The following TENM2 variants were observed in gnomAD, a reference collection of about 807,000 sequenced individuals.
The protein encoded by TENM2 is teneurin-2.
In TENM2, 52 loss-of-function variants were observed where a neutral mutation model predicts 245.2. The ratio of observed to expected loss-of-function variants is 0.21; its 90% CI spans 0.17 to 0.27. The LOEUF (loss-of-function observed/expected upper bound fraction) is 0.27. Ranked by LOEUF, TENM2 falls within the 10% of genes least tolerant of loss-of-function variation. The pLI is 1.00. For missense variants in TENM2, 3,046 were observed against 3,666.8 expected (o/e 0.83, Z 4.37); for synonymous variants, 1,363 against 1,438.9 (o/e 0.95, Z 1.19).
rs76155764 is a variant in TENM2 at position 167,635,633 on chromosome 5, C to CTTTTTTTTTTTTTTTTTTTT, written c.503-240343_503-240324dup. Among the ~76,000 whole-genome samples, 39 of 74,938 alleles carry CTTTTTTTTTTTTTTTTTTTT rather than the reference C, an allele frequency of 5.2e-4. 5 individuals carry two copies. Among genetic ancestry groups the CTTTTTTTTTTTTTTTTTTTT allele is most frequent in the East Asian group, 4.1e-3 (7 of 1,708 alleles). The allele number at this position is 74,938 out of a possible 152,430, so 49.2% of individuals were successfully genotyped here. ...GGAATCTGGCTATGATCAGTACAGTCTTTTTTTTTTTTTTTTTTTTTTTTT... is the reference window on the plus strand; with the variant it reads ...GGAATCTGGCTATGATCAGTACAGTCTTTTTTTTTTTTTTTTTTTTTTTTTTTTTTTTTTTTTTTTTTTTT... On this transcript the variant is annotated intron_variant, in intron 2 of 28. Coordinates refer to ENST00000518659, the Ensembl canonical transcript of TENM2.
At position 167,740,655 on chromosome 5, in the gene TENM2, A is replaced by G. The variant is rs148625028; in HGVS notation, c.503-135331A>G. Among the ~76,000 whole-genome samples the G allele has an allele frequency of 8.5e-3, 1,291 of 152,318 alleles. 19 individuals are homozygous for G. Among genetic ancestry groups the G allele is most frequent in the Non-Finnish European group, 0.012 (814 of 68,040 alleles). On this transcript the variant is annotated intron_variant, in intron 2 of 28. Coordinates refer to ENST00000518659, the Ensembl canonical transcript of TENM2. ...TGCAAACACAAATGGGGTACGGCCAAGAATAAGAATAACACTTTAGCCTCA... is the reference window on the plus strand; with the variant it reads ...TGCAAACACAAATGGGGTACGGCCAGGAATAAGAATAACACTTTAGCCTCA...
intron 3 of TENM2, among the ~76,000 whole-genome samples, chr5:167,943,575 C>T (rs1479521361): frequency 6.6e-6 from 1 of 152,008 alleles, no homozygotes; most frequent in South Asian, 2.1e-4. Context: ...TTTTGCCCAG[C>T]CTATTTTACA....
At chr5:167,246,230 A>G in the TENM2 span, among the ~76,000 whole-genome samples, 2 of 152,166 alleles carry the variant, frequency 1.3e-5, no homozygotes, top group African/African-American at 4.8e-5. Context: ...TAAGAAGAAG[A>G]GAGGATTGTT....
In TENM2 at chr5:167,870,140, T is replaced by A. The variant is rs571282262; in HGVS notation, c.503-5846T>A. Among the ~76,000 whole-genome samples, 14 of 152,322 alleles carry A rather than the reference T, an allele frequency of 9.2e-5. No homozygotes were observed. The South Asian group carries it at 2.9e-3, about 32-fold the overall frequency. ...TTTTTATTAAGTTCTTGAAGTCACA[T>A]AGGATTTTAAAGTTTTGACTCAAGT... On this transcript the variant is annotated intron_variant, in intron 2 of 28. Coordinates refer to ENST00000518659, the Ensembl canonical transcript of TENM2.
At chr5:167,665,673 C>T (rs1366649082) in intron 2 of TENM2, among the ~76,000 whole-genome samples, 2 of 152,016 alleles carry the variant, frequency 1.3e-5, no homozygotes, top group Admixed American at 6.6e-5. Flanking sequence ...GATATTTGGT[C>T]GCTGGGTTTC....
intron 1 of TENM2, among the ~76,000 whole-genome samples, chr5:167,331,386 T>C (rs576674635): frequency 1.3e-5 from 2 of 152,300 alleles, no homozygotes; most frequent in Admixed American, 1.3e-4. Context: ...TCCTATCAAC[T>C]GGCAACTCTT....
intron 2 of TENM2, among the ~76,000 whole-genome samples, chr5:167,476,762 C>T (rs1767413023): frequency 6.6e-6 from 1 of 152,080 alleles, no homozygotes. Context: ...TCACGCCCAG[C>T]TAAATTTTCT....
chr5:168,000,043 C>G (rs1413518500), intron 5 of TENM2, among the ~76,000 whole-genome samples: 1 of 152,222 alleles, frequency 6.6e-6, no homozygotes, highest in East Asian at 1.9e-4. Context: ...GACTTTCTCT[C>G]TATAACGATG....
rs10626330 is a variant in TENM2, at chr5:167,548,550, G to GACAC, written c.502+173088_502+173091dup. Among the ~76,000 whole-genome samples, 594 of 151,038 alleles carry GACAC rather than the reference G, an allele frequency of 3.9e-3. 2 individuals carry two copies. Among genetic ancestry groups the GACAC allele is most frequent in the Admixed American group, 8.2e-3 (125 of 15,182 alleles). ...AAGGCAGTATTTATTACAGGTCACA[G>GACAC]ACACACACACACACGCACACATACA... On this transcript the variant is annotated intron_variant, in intron 2 of 28. Transcript: ENST00000518659.
chr5:168,247,035 C>T lies in TENM2; in HGVS notation c.6096C>T (p.Val2032=). Residue 2032 remains valine, a synonymous_variant, in exon 27 of 29, where the codon GTC becomes GTT. Coordinates refer to ENST00000518659, the Ensembl canonical transcript of TENM2. This position sits in a 1 kb window ranked among gnomAD's most constrained non-coding sequence, Gnocchi z 7.8. ...AACTCTCCAAGTTATCAGAGATTGT[C>T]TACGACAGTACCGCCGTCACCTTCG... 6.2e-7 allele frequency: 1 copy of T among 1,614,020 alleles called. No homozygotes were observed. Among genetic ancestry groups the T allele is most frequent in the Non-Finnish European group, 8.5e-7 (1 of 1,179,902 alleles).
chr5:168,206,553 A>T (rs1348319890), intron 19 of TENM2, among the ~76,000 whole-genome samples: 2 of 152,180 alleles, frequency 1.3e-5, no homozygotes, highest in African/African-American at 4.8e-5. Context: ...GGGCATGGTA[A>T]CCAGAGGGTG....
chr5:167,806,267 C>T (rs1766159819), intron 2 of TENM2, among the ~76,000 whole-genome samples: 1 of 152,080 alleles, frequency 6.6e-6, no homozygotes, highest in African/African-American at 2.4e-5. Context: ...TTTTCAATCT[C>T]CTCACTATGT....
At chr5:166,989,252 CTTTTTTTT>C in the TENM2 span, among the ~76,000 whole-genome samples, 161 of 56,960 alleles carry the variant, frequency 2.8e-3, 1 homozygote, top group Middle Eastern at 0.022. Flanking sequence ...CCAAGCTAAT[CTTTTTTTT>C]TTTTTTTTTT....
chr5:167,679,295 T>C (rs1756542014), intron 2 of TENM2, among the ~76,000 whole-genome samples: 1 of 152,160 alleles, frequency 6.6e-6, no homozygotes, highest in Non-Finnish European at 1.5e-5. Context: ...TTCTTATTTT[T>C]CCATATTCAT....
intron 2 of TENM2, among the ~76,000 whole-genome samples, chr5:167,817,969 G>A (rs1767199948): frequency 6.6e-6 from 1 of 152,136 alleles, no homozygotes; most frequent in Admixed American, 6.5e-5. Flanking sequence ...CCTGTAACTT[G>A]GGAGACGGGA....
chr5:167,215,265 C>T, the TENM2 span, among the ~76,000 whole-genome samples: 14 of 152,104 alleles, frequency 9.2e-5, no homozygotes, highest in Admixed American at 6.6e-4. Flanking sequence ...TTGTTTAGGG[C>T]CCACCAGAGA....
chr5:167,789,546 T>C (rs769613885), intron 2 of TENM2, among the ~76,000 whole-genome samples: 4 of 152,132 alleles, frequency 2.6e-5, no homozygotes, highest in Non-Finnish European at 5.9e-5. Flanking sequence ...TCCAGGTTGG[T>C]TGGACACTTT....
intron 5 of TENM2, among the ~76,000 whole-genome samples, chr5:167,996,992 G>A (rs924802251): frequency 6.6e-6 from 1 of 152,114 alleles, no homozygotes; most frequent in Non-Finnish European, 1.5e-5. Flanking sequence ...ACCCACCTCA[G>A]CCTCCCAAAG....
intron 2 of TENM2, among the ~76,000 whole-genome samples, chr5:167,735,637 C>T (rs558469292): frequency 1.7e-4 from 26 of 152,170 alleles, no homozygotes; most frequent in Non-Finnish European, 3.1e-4. Context: ...AAAACCCCAT[C>T]TCTACAAAAA....
Sources: allele counts gnomAD v4.1 joint callset (sites outside exome capture counted in the v4.1 genomes callset), GRCh38; gene constraint gnomAD v4.1.1; non-coding constraint Gnocchi (gnomAD v3.1); transcripts MANE v1.5; gene names NCBI Gene and HGNC (gene_info 2026-07-23, HGNC 2026-07-21).